Variants in UNC119B observed in about 807,000 individuals in gnomAD.
The protein encoded by UNC119B is protein unc-119 homolog B.
Under a neutral mutation model 23.4 loss-of-function variants are expected in UNC119B, and 16 were observed. That is an observed-to-expected ratio of 0.68 (90% confidence interval 0.46 to 1.04). The LOEUF is 1.04. Among genes scored for constraint, UNC119B ranks in the 50% least tolerant of loss-of-function variants. The probability of loss-of-function intolerance (pLI) is 0.00; values close to 1 mark genes in which losing one functional copy is unlikely to be tolerated. For missense variants in UNC119B, 350 were observed against 361.3 expected (o/e 0.97, Z 0.25); for synonymous variants, 144 against 145.4 (o/e 0.99, Z 0.07).
rs1239393459 is a variant in UNC119B at position 120,721,384 on chromosome 12, A to C, written c.*1352A>C. ...TTGATGTGGCCAGGGTCCAGTTAGC[A>C]TCAGTAGAAGGATGTCACTAGGAAA... On this transcript the variant is annotated 3_prime_UTR_variant, in exon 5 of 5. Transcript: ENST00000344651. 6.6e-6 allele frequency: 1 copy of C among 152,320 alleles called. No homozygotes were observed. The highest frequency in any genetic ancestry group is 1.5e-5 in the Non-Finnish European group (1 of 68,094). The allele number at this position is 152,320 out of a possible 1,614,324, so 9.4% of individuals were successfully genotyped here. A position where few individuals can be genotyped will look rare whatever the true frequency, so the allele number is the denominator to read the frequency against.
chr12:120,713,410 C>T, intron 2 of UNC119B, 23 bp downstream of exon 2: 2 of 1,556,994 alleles, frequency 1.3e-6, no homozygotes, highest in South Asian at 1.1e-5. Flanking sequence ...GTTGTGGTGA[C>T]CACTAGACAG....
chr12:120,717,728 A>C (rs1177378252), intron 4 of UNC119B, among the ~76,000 whole-genome samples: 3 of 144,292 alleles, frequency 2.1e-5, no homozygotes, highest in Non-Finnish European at 4.5e-5. Flanking sequence ...ATGCCCGGCT[A>C]ATTTTTTGTA....
chr12:120,714,536 G>T (rs552654166), intron 2 of UNC119B, among the ~76,000 whole-genome samples: 38 of 151,972 alleles, frequency 2.5e-4, no homozygotes, highest in African/African-American at 7.3e-4. Context: ...GGTCAGGCTG[G>T]TGTCAGACGC....
chr12:120,718,129 A>G (rs542513309), intron 4 of UNC119B, among the ~76,000 whole-genome samples: 1 of 152,130 alleles, frequency 6.6e-6, no homozygotes, highest in South Asian at 2.1e-4. Flanking sequence ...CGGCCTCCCA[A>G]AGTGCTGGAA....
chr12:120,719,988 A>G lies in UNC119B; in HGVS notation c.712A>G (p.Ile238Val), dbSNP rs927456858. 2 of 1,614,196 alleles carry G rather than the reference A, an allele frequency of 1.2e-6. No individual in the cohort carries two copies. Among genetic ancestry groups the G allele is most frequent in the Non-Finnish European group, 1.7e-6 (2 of 1,180,018 alleles). Residue 238 changes from isoleucine to valine, a missense_variant, in exon 5 of 5, where the codon ATA (isoleucine) becomes GTA (valine). Physicochemically the swap from Ile to Val is conservative, Grantham distance 29. Coordinates refer to ENST00000344651, the MANE Select transcript of UNC119B (RefSeq NM_001080533.3). Reference sequence around the variant, plus strand: ...CTTCTACTTTGTTGACAACAAGCTGATAATGCACAACAAGGCTGATTATGC... The same window carrying G: ...CTTCTACTTTGTTGACAACAAGCTGGTAATGCACAACAAGGCTGATTATGC... Reference protein sequence around the residue: ...DSFYFVDNKLIMHNKADYAYN... With the variant: ...DSFYFVDNKLVMHNKADYAYN...
chr12:120,715,521 C>CTTTTTTTTTTTTTTTTT (rs55906857), intron 2 of UNC119B, among the ~76,000 whole-genome samples: 1 of 71,516 alleles, frequency 1.4e-5, no homozygotes, highest in Non-Finnish European at 2.4e-5. Flanking sequence ...TTCTCTGATT[C>CTTTTTTTTTTTTTTTTT]TTTTTTTTTT....
intron 4 of UNC119B, among the ~76,000 whole-genome samples, chr12:120,719,489 G>A (rs1381718967): frequency 6.6e-6 from 1 of 152,206 alleles, no homozygotes; most frequent in Non-Finnish European, 1.5e-5. Context: ...GGCACAGTGA[G>A]GCTCAGATTT....
chr12:120,711,246 C>A (rs1035816580), intron 1 of UNC119B: 1 of 152,486 alleles, frequency 6.6e-6, no homozygotes, highest in Non-Finnish European at 1.5e-5. Context: ...GGAGCGTTGC[C>A]CCTTAGTGTG....
At position 120,710,558 on chromosome 12, in the gene UNC119B, G is replaced by A. The variant is rs1479521075; in HGVS notation, c.84G>A (p.Lys28=). 1.1e-5 allele frequency: 16 copies of A among 1,395,452 alleles called. No individual in the cohort carries two copies. The Admixed American group carries it at 4.1e-4, about 36-fold the overall frequency. The allele number at this position is 1,395,452 out of a possible 1,614,324, so 86.4% of individuals were successfully genotyped here. ...GGLVAGKEEK[K]KAGGGVLNRL... Reference sequence around the variant, plus strand: ...TGGTGGCTGGCAAGGAGGAGAAGAAGAAGGCGGGCGGCGGCGTCCTGAACC... The same window carrying A: ...TGGTGGCTGGCAAGGAGGAGAAGAAAAAGGCGGGCGGCGGCGTCCTGAACC... Residue 28 remains lysine, a synonymous_variant, in exon 1 of 5, where the codon AAG becomes AAA. Coordinates refer to ENST00000344651, the MANE Select transcript of UNC119B (RefSeq NM_001080533.3).
chr12:120,716,918 C>T lies in UNC119B; in HGVS notation c.519C>T (p.Ile173=), dbSNP rs756840660. ...AACCTGTTTCAAACTTCCGGATGAT[C>T]GAACGGCACTATTTCCGGGAACACT... The part of the protein sequence containing the change: ...GDKPVSNFRM[I]ERHYFREHLL... The change falls in exon 4 of 5, where the codon ATC becomes ATT. Residue 173 remains isoleucine (I), a synonymous_variant. Coordinates refer to ENST00000344651, the MANE Select transcript of UNC119B (RefSeq NM_001080533.3). 6.8e-5 allele frequency: 110 copies of T among 1,613,240 alleles called. No individual in the cohort carries two copies. The highest frequency in any genetic ancestry group is 8.9e-5 in the Non-Finnish European group (105 of 1,179,614).
At position 120,719,998 on chromosome 12, in the gene UNC119B, A is replaced by G; in HGVS notation, c.722A>G (p.Asn241Ser). Residue 241 changes from asparagine (N) to serine (S), a missense_variant, in exon 5 of 5, where the codon AAC (asparagine) becomes AGC (serine). Transcript: ENST00000344651. ...GTTGACAACAAGCTGATAATGCACA[A>G]CAAGGCTGATTATGCCTATAATGGA... ...YFVDNKLIMHNKADYAYNGGQ is the reference protein window; with the variant it reads ...YFVDNKLIMHSKADYAYNGGQ 1 of 1,614,190 alleles carries G rather than the reference A, an allele frequency of 6.2e-7. No individual in the cohort carries two copies. Among genetic ancestry groups the G allele is most frequent in the Non-Finnish European group, 8.5e-7 (1 of 1,180,026 alleles).
rs1037244743 is a variant in UNC119B at position 120,722,368 on chromosome 12, A to G, written c.*2336A>G. ...GGTTCCTGTGTCTAGCTGCTCAGGAAATCTTGAGAAGCATTCCACTCTGGG... is the reference window on the plus strand; with the variant it reads ...GGTTCCTGTGTCTAGCTGCTCAGGAGATCTTGAGAAGCATTCCACTCTGGG... On this transcript the variant is annotated 3_prime_UTR_variant, in exon 5 of 5. Coordinates refer to ENST00000344651, the MANE Select transcript of UNC119B (RefSeq NM_001080533.3). The G allele has an allele frequency of 2.0e-5, 3 of 152,336 alleles. No individual in the cohort carries two copies. Among genetic ancestry groups the G allele is most frequent in the African/African-American group, 7.2e-5 (3 of 41,452 alleles). 9.4% of individuals were successfully genotyped at this position (152,336 alleles called of 1,614,324 possible).
chr12:120,717,812 T>G (rs1882813002), intron 4 of UNC119B, among the ~76,000 whole-genome samples: 1 of 151,380 alleles, frequency 6.6e-6, no homozygotes, highest in South Asian at 2.1e-4. Context: ...TCCACCTGCC[T>G]CATCCTCCCA....
In UNC119B at chr12:120,710,566, G is replaced by C. The variant is rs938639339; in HGVS notation, c.92G>C (p.Gly31Ala). ...VAGKEEKKKA[G>A]GGVLNRLKAR... ...GGCAAGGAGGAGAAGAAGAAGGCGG[G>C]CGGCGGCGTCCTGAACCGCCTGAAG... The change falls in exon 1 of 5, where the codon GGC (glycine) becomes GCC (alanine). Residue 31 changes from glycine (G) to alanine (A), a missense_variant. Physicochemically the swap from Gly to Ala is moderately conservative, Grantham distance 60. Coordinates refer to ENST00000344651, the MANE Select transcript of UNC119B (RefSeq NM_001080533.3). 3 of 1,396,458 alleles carry C rather than the reference G, an allele frequency of 2.1e-6. No individual in the cohort carries two copies. The African/African-American group carries it at 4.5e-5, about 21-fold the overall frequency. 86.5% of individuals were successfully genotyped at this position (1,396,458 alleles called of 1,614,324 possible). A position where few individuals can be genotyped will look rare whatever the true frequency, so the allele number is the denominator to read the frequency against.
chr12:120,718,586 C>T (rs1882828702), intron 4 of UNC119B, among the ~76,000 whole-genome samples: 1 of 152,042 alleles, frequency 6.6e-6, no homozygotes, highest in Admixed American at 6.6e-5. Context: ...TGCCGTGTAG[C>T]CTCGGCAAGG....
At position 120,720,386 on chromosome 12, in the gene UNC119B, T is replaced by C; in HGVS notation, c.*354T>C. On this transcript the variant is annotated 3_prime_UTR_variant, in exon 5 of 5. Transcript: ENST00000344651. Reference sequence around the variant, plus strand: ...ATAGCTGTGCCTGGTGAGAAGGCTCTGGCCAGGCCCACCAGCAGGTCAGCA... The same window carrying C: ...ATAGCTGTGCCTGGTGAGAAGGCTCCGGCCAGGCCCACCAGCAGGTCAGCA... 1 of 195,110 alleles carries C rather than the reference T, an allele frequency of 5.1e-6. No homozygotes were observed. The highest frequency in any genetic ancestry group is 1.0e-4 in the South Asian group (1 of 9,582). The allele number at this position is 195,110 out of a possible 1,614,324, so 12.1% of individuals were successfully genotyped here. A position where few individuals can be genotyped will look rare whatever the true frequency, so the allele number is the denominator to read the frequency against.
chr12:120,722,134 A>C lies in UNC119B; in HGVS notation c.*2102A>C, dbSNP rs967136337. ...ACTGTATCTGCTACATTAGTGGGCT[A>C]TCTCTTATCTGCAGTGTTCGCTTTT... On this transcript the variant is annotated 3_prime_UTR_variant, in exon 5 of 5. Transcript: ENST00000344651. 1 of 152,314 alleles carries C rather than the reference A, an allele frequency of 6.6e-6. No individual in the cohort carries two copies. The highest frequency in any genetic ancestry group is 1.5e-5 in the Non-Finnish European group (1 of 68,118). The allele number at this position is 152,314 out of a possible 1,614,324, so 9.4% of individuals were successfully genotyped here.
At chr12:120,717,158 C>T (rs141180612) in intron 4 of UNC119B, 116 bp downstream of exon 4, 24 of 1,023,594 alleles carry the variant, frequency 2.3e-5, no homozygotes, top group East Asian at 1.7e-4. Flanking sequence ...TGACATGATG[C>T]GTATCTAGTC....
intron 1 of UNC119B, 132 bp from the exon 2 acceptor site, chr12:120,713,142 A>G (rs980382061): frequency 4.8e-6 from 3 of 628,370 alleles, no homozygotes; most frequent in Non-Finnish European, 8.0e-6. Context: ...ATAACACATG[A>G]GAAAGTTTTT....
Sources: gnomAD v4.1 joint callset for allele counts (sites outside exome capture counted in the v4.1 genomes callset) on GRCh38, gnomAD v4.1.1 for gene constraint, MANE v1.5 for transcripts, NCBI Gene and HGNC (gene_info 2026-07-23, HGNC 2026-07-21) for gene names.